The following STPG2 variants were observed in gnomAD, a reference collection of about 807,000 sequenced individuals.
STPG2 encodes sperm tail PG-rich repeat containing 2, also known as sperm-tail PG-rich repeat-containing protein 2.
A neutral mutation model predicts 54.2 loss-of-function variants in STPG2; 56 were observed. The ratio of observed to expected loss-of-function variants is 1.03; its 90% CI spans 0.83 to 1.29. STPG2 has a LOEUF of 1.29. STPG2 is among the 50% of genes most tolerant of loss of function. The pLI is 0.00. For missense variants in STPG2, 596 were observed against 544.9 expected (o/e 1.09, Z -0.93); for synonymous variants, 200 against 181.8 (o/e 1.10, Z -0.81).
intron 4 of STPG2, among the ~76,000 whole-genome samples, chr4:97,530,793 C>G (rs1387067049): frequency 1.3e-5 from 2 of 152,110 alleles, no homozygotes; most frequent in Non-Finnish European, 2.9e-5. Context: ...TCCCCCATTT[C>G]CCAGCAGCGG....
chr4:97,922,849 T>C (rs1397823513), intron 8 of STPG2, among the ~76,000 whole-genome samples: 2 of 152,114 alleles, frequency 1.3e-5, no homozygotes, highest in Non-Finnish European at 2.9e-5. Context: ...CTTCTGCTTT[T>C]TTCCCGGTGT....
intron 7 of STPG2, among the ~76,000 whole-genome samples, chr4:97,955,548 T>C (rs774211270): frequency 6.6e-6 from 1 of 152,100 alleles, no homozygotes; most frequent in Non-Finnish European, 1.5e-5. Flanking sequence ...GTTCGAGGCA[T>C]GGTGAATAGT....
intron 9 of STPG2, among the ~76,000 whole-genome samples, chr4:97,754,377 C>A (rs1193713079): frequency 6.6e-6 from 1 of 152,098 alleles, no homozygotes; most frequent in Non-Finnish European, 1.5e-5. Context: ...TTTTTTGTTG[C>A]TGCTTTCCTC....
chr4:97,632,873 C>T (rs939126074), intron 10 of STPG2, among the ~76,000 whole-genome samples: 1 of 152,104 alleles, frequency 6.6e-6, no homozygotes. Context: ...TGACCTCAGA[C>T]ATTATCAATT....
chr4:97,686,344 A>C (rs1723188434), intron 10 of STPG2, among the ~76,000 whole-genome samples: 2 of 152,060 alleles, frequency 1.3e-5, no homozygotes, highest in African/African-American at 4.8e-5. Context: ...CACCCGTAGG[A>C]AACTAAAAGT....
At chr4:97,561,536 G>A (rs555846388) in intron 10 of STPG2, among the ~76,000 whole-genome samples, 3 of 152,140 alleles carry the variant, frequency 2.0e-5, no homozygotes, top group South Asian at 2.1e-4. Flanking sequence ...CCTATGTCCT[G>A]AATGGTAATG....
At chr4:98,101,113 G>C (rs1426124252) in intron 5 of STPG2, among the ~76,000 whole-genome samples, 1 of 152,086 alleles carries the variant, frequency 6.6e-6, no homozygotes, top group African/African-American at 2.4e-5. Context: ...TGGCCTACCA[G>C]ATTTTTTCTT....
chr4:97,821,332 T>C (rs1314638051), intron 9 of STPG2, among the ~76,000 whole-genome samples: 2 of 152,198 alleles, frequency 1.3e-5, no homozygotes, highest in Non-Finnish European at 2.9e-5. Flanking sequence ...AGGAGTGGGC[T>C]TTCTAGACCT....
At chr4:97,473,958 A>G (rs1179884923) in intron 4 of STPG2, among the ~76,000 whole-genome samples, 1 of 151,940 alleles carries the variant, frequency 6.6e-6, no homozygotes, top group Non-Finnish European at 1.5e-5. Context: ...GGAGGTGGAG[A>G]ATAGAGGGTT....
chr4:97,631,016 G>A (rs753347322), intron 10 of STPG2, among the ~76,000 whole-genome samples: 6 of 151,740 alleles, frequency 4.0e-5, no homozygotes, highest in Admixed American at 6.6e-5. Flanking sequence ...TAGTCTTAAA[G>A]TATTTTAAAA....
At chr4:97,796,422 T>G (rs908652037) in intron 9 of STPG2, among the ~76,000 whole-genome samples, 1 of 152,234 alleles carries the variant, frequency 6.6e-6, no homozygotes, top group African/African-American at 2.4e-5. Flanking sequence ...TACATATGGC[T>G]AGCCAGTTTT....
At chr4:97,906,682 T>A (rs1731438401) in intron 8 of STPG2, among the ~76,000 whole-genome samples, 1 of 151,992 alleles carries the variant, frequency 6.6e-6, no homozygotes, top group African/African-American at 2.4e-5. Context: ...TCAAGTGGGC[T>A]TCATCCCTGG....
chr4:98,002,602 C>A (rs1370434357), intron 5 of STPG2, among the ~76,000 whole-genome samples: 1 of 151,962 alleles, frequency 6.6e-6, no homozygotes, highest in Non-Finnish European at 1.5e-5. Context: ...TAAGAACTTT[C>A]TCTGACTCTG....
At chr4:97,681,874 A>C (rs1723045935) in intron 10 of STPG2, among the ~76,000 whole-genome samples, 1 of 151,800 alleles carries the variant, frequency 6.6e-6, no homozygotes, top group African/African-American at 2.4e-5. Context: ...CAGCACTGTT[A>C]CCAGTTTAGC....
intron 4 of STPG2, among the ~76,000 whole-genome samples, chr4:97,456,901 A>T (rs1353605891): frequency 2.7e-5 from 4 of 150,552 alleles, no homozygotes; most frequent in African/African-American, 9.9e-5. Context: ...CAAAAAAAAA[A>T]AAAAGAAAAT....
chr4:97,883,408 A>T (rs1453134591), intron 8 of STPG2, among the ~76,000 whole-genome samples: 1 of 151,180 alleles, frequency 6.6e-6, no homozygotes, highest in African/African-American at 2.5e-5. Flanking sequence ...GAAAAAAAAA[A>T]TAGAGAGAGA....
chr4:97,557,677 A>G (rs1227995881), downstream of STPG2, among the ~76,000 whole-genome samples: 1 of 152,206 alleles, frequency 6.6e-6, no homozygotes, highest in Non-Finnish European at 1.5e-5. Context: ...TTCTCAGGCA[A>G]GAGAAAGAGC....
intron 8 of STPG2, among the ~76,000 whole-genome samples, chr4:97,861,885 C>A (rs1359537865): frequency 6.6e-6 from 1 of 152,032 alleles, no homozygotes; most frequent in Non-Finnish European, 1.5e-5. Flanking sequence ...GAGATTTTGT[C>A]ACCACCAGGC....
At chr4:98,109,573 G>A (rs2110144393) in intron 3 of STPG2, among the ~76,000 whole-genome samples, 1 of 152,182 alleles carries the variant, frequency 6.6e-6, no homozygotes, top group South Asian at 2.1e-4. Flanking sequence ...TTTGCTCTTG[G>A]CAGTACACCC....
Sources: gnomAD v4.1 joint callset for allele counts (sites outside exome capture counted in the v4.1 genomes callset) on GRCh38, gnomAD v4.1.1 for gene constraint, MANE v1.5 for transcripts, NCBI Gene and HGNC (gene_info 2026-07-23, HGNC 2026-07-21) for gene names.